RANBP10: variants seen among roughly 807,000 people sequenced by gnomAD.
RANBP10 encodes the protein ran-binding protein 10.
Under a neutral mutation model 72.8 loss-of-function variants are expected in RANBP10, and 24 were observed. The observed-to-expected ratio is 0.33, with a 90% CI of 0.24 to 0.46. RANBP10 has a LOEUF of 0.46. RANBP10 is among the 20% of genes least tolerant of loss of function. RANBP10 has a pLI of 1.00. For synonymous variants in RANBP10, 310 were observed against 322.3 expected (o/e 0.96, Z 0.41); for missense variants, 679 against 817.5 (o/e 0.83, Z 2.07).
rs151063039 is a variant in RANBP10 at position 67,729,356 on chromosome 16, C to T, written c.1276G>A (p.Val426Ile). Residue 426 changes from valine to isoleucine, a missense_variant, in exon 10 of 14, where the codon GTC becomes ATC. Physicochemically the swap from Val to Ile is conservative, Grantham distance 29. Coordinates refer to ENST00000317506, the MANE Select transcript of RANBP10 (RefSeq NM_020850.3). This position sits in a 1 kb window ranked among gnomAD's most constrained non-coding sequence, Gnocchi z 7.1. ...SSSSSSSPSSVNYSESNSTDS... is the reference protein window; with the variant it reads ...SSSSSSSPSSINYSESNSTDS... ...GTTGAGTTGGACTCGGAGTAATTGA[C>T]GGAGGATGGGGAAGAGGACGAGGAG... 2.3e-4 allele frequency: 370 copies of T among 1,611,926 alleles called. 3 individuals carry two copies. In the African/African-American group the frequency reaches 3.8e-3, roughly 17 times the overall value.
chr16:67,782,022 C>T (rs541579147), intron 2 of RANBP10, among the ~76,000 whole-genome samples: 1 of 152,374 alleles, frequency 6.6e-6, no homozygotes, highest in South Asian at 2.1e-4. Context: ...TGAAACCCTG[C>T]AGTCATGTGG....
At chr16:67,785,259 G>A (rs990893768) in intron 2 of RANBP10, among the ~76,000 whole-genome samples, 9 of 150,724 alleles carry the variant, frequency 6.0e-5, no homozygotes, top group African/African-American at 2.2e-4. Flanking sequence ...AAGGGAGGGA[G>A]GGAAGGAAGG....
Position 67,727,814 on chromosome 16 carries a change from C to A in RANBP10, c.1557G>T (p.Gln519His). ...ERIILFGREL[Q>H]ALSEQLGREY... ...CCCGGCCCAACTGCTCACTCAATGC[C>A]TGCAACTCGCGGCCAAACAGAATGA... Residue 519 changes from glutamine to histidine, a missense_variant, in exon 12 of 14, where the codon CAG (glutamine) becomes CAT (histidine). Gln to His is a conservative substitution (Grantham distance 24, BLOSUM62 0). Coordinates refer to ENST00000317506, the MANE Select transcript of RANBP10 (RefSeq NM_020850.3). 6.2e-7 allele frequency: 1 copy of A among 1,614,222 alleles called. No homozygotes were observed. The highest frequency in any genetic ancestry group is 1.1e-5 in the South Asian group (1 of 91,090).
intron 3 of RANBP10, among the ~76,000 whole-genome samples, chr16:67,759,318 C>T (rs761228350): frequency 2.0e-5 from 3 of 152,164 alleles, no homozygotes; most frequent in Non-Finnish European, 4.4e-5. Context: ...ACCTATCTTC[C>T]CACAGCCCTG....
chr16:67,788,923 C>T lies in RANBP10; in HGVS notation c.347+16505G>A, dbSNP rs764392273. Among the ~76,000 whole-genome samples, 17 of 148,588 alleles carry T rather than the reference C, an allele frequency of 1.1e-4. 1 individual carries two copies. The highest frequency in any genetic ancestry group is 1.6e-4 in the Non-Finnish European group (11 of 67,282). On this transcript the variant is annotated intron_variant, in intron 2 of 13. Coordinates refer to ENST00000317506, the MANE Select transcript of RANBP10 (RefSeq NM_020850.3). Reference sequence around the variant, plus strand: ...GCTGAGGCAGGGGAATAGCTTGAACCGAGGTGGAGGCTGCAGTGAGCCAAG... The same window carrying T: ...GCTGAGGCAGGGGAATAGCTTGAACTGAGGTGGAGGCTGCAGTGAGCCAAG...
rs2053599481 is a variant in RANBP10 at position 67,726,379 on chromosome 16, C to T, written c.*49G>A. 4.4e-6 allele frequency: 7 copies of T among 1,607,796 alleles called. No individual in the cohort carries two copies. Among genetic ancestry groups the T allele is most frequent in the Non-Finnish European group, 5.1e-6 (6 of 1,177,922 alleles). On this transcript the variant is annotated 3_prime_UTR_variant, in exon 14 of 14. Transcript: ENST00000317506. Reference sequence around the variant, plus strand: ...TTGCCTATGGAGGGCAGGGCAGCTCCAGCCCTGGGGCCAGTGGAGGGCCAG... The same window carrying T: ...TTGCCTATGGAGGGCAGGGCAGCTCTAGCCCTGGGGCCAGTGGAGGGCCAG...
intron 2 of RANBP10, among the ~76,000 whole-genome samples, chr16:67,778,471 C>A (rs1183915051): frequency 6.6e-6 from 1 of 152,172 alleles, no homozygotes; most frequent in Non-Finnish European, 1.5e-5. Flanking sequence ...ACATAGCAAG[C>A]TTCATGACAT....
At chr16:67,782,005 A>T (rs770201073) in intron 2 of RANBP10, among the ~76,000 whole-genome samples, 28 of 152,226 alleles carry the variant, frequency 1.8e-4, no homozygotes, top group Admixed American at 5.2e-4. Flanking sequence ...CCCGAGCTCA[A>T]GTCTGCTGAA....
At chr16:67,726,646 G>T in intron 13 of RANBP10, 88 bp from the exon 14 acceptor site, 1 of 1,417,610 alleles carries the variant, frequency 7.1e-7, no homozygotes, top group Non-Finnish European at 9.4e-7. Context: ...GGAGGGGGCA[G>T]TGGACAGATT....
chr16:67,754,141 A>G (rs1287221423), intron 3 of RANBP10, among the ~76,000 whole-genome samples: 2 of 151,938 alleles, frequency 1.3e-5, no homozygotes, highest in East Asian at 3.8e-4. Context: ...TCAAAAAAAA[A>G]AAAAAAAAAG....
intron 2 of RANBP10, among the ~76,000 whole-genome samples, chr16:67,785,855 T>C (rs1435915621): frequency 6.7e-6 from 1 of 150,212 alleles, no homozygotes; most frequent in Non-Finnish European, 1.5e-5. Context: ...TGAAACCCCG[T>C]CTCTACTAAA....
intron 3 of RANBP10, among the ~76,000 whole-genome samples, chr16:67,761,870 C>G (rs2054401558): frequency 6.6e-6 from 1 of 152,100 alleles, no homozygotes; most frequent in African/African-American, 2.4e-5. Flanking sequence ...CGTGCCCGGA[C>G]ATACATAAAC....
rs747886218 is a variant in RANBP10 at position 67,772,011 on chromosome 16, T to C, written c.400+23A>G. On this transcript the variant is annotated intron_variant, in intron 3 of 13. Transcript: ENST00000317506. The stretch of plus-strand genomic sequence containing the variant: ...AATTGGATCAGGAGAGCAGAACAAA[T>C]GTTCTCTTAAACAGTGACTCACCAG... The C allele has an allele frequency of 3.7e-6, 6 of 1,608,880 alleles. No homozygotes were observed. In the East Asian group the frequency reaches 6.7e-5, roughly 18 times the overall value.
intron 2 of RANBP10, among the ~76,000 whole-genome samples, chr16:67,793,555 G>A (rs142741561): frequency 6.6e-6 from 1 of 151,762 alleles, no homozygotes; most frequent in African/African-American, 2.4e-5. Flanking sequence ...CAGGTGATCC[G>A]CCCACCTCAG....
chr16:67,784,208 A>G, intron 2 of RANBP10, among the ~76,000 whole-genome samples: 1 of 152,204 alleles, frequency 6.6e-6, no homozygotes. Context: ...CAGAAAGGCA[A>G]GGATGGTTCA....
At chr16:67,743,342 T>C (rs1338752711) in intron 4 of RANBP10, among the ~76,000 whole-genome samples, 7 of 152,166 alleles carry the variant, frequency 4.6e-5, no homozygotes, top group Non-Finnish European at 1.0e-4. Context: ...ACCATTCCAT[T>C]CTGGAGAACT....
At chr16:67,779,605 C>G (rs536175000) in intron 2 of RANBP10, among the ~76,000 whole-genome samples, 44 of 152,198 alleles carry the variant, frequency 2.9e-4, no homozygotes, top group African/African-American at 1.1e-3. Flanking sequence ...TCTCTGCAGG[C>G]ACCTGAATAT....
intron 2 of RANBP10, among the ~76,000 whole-genome samples, chr16:67,782,287 G>C (rs531686132): frequency 3.3e-5 from 5 of 151,452 alleles, no homozygotes; most frequent in African/African-American, 1.2e-4. Flanking sequence ...CCATAGGTGA[G>C]TGCCACCACA....
chr16:67,737,641 C>T (rs1597835756), intron 5 of RANBP10, among the ~76,000 whole-genome samples: 1 of 152,202 alleles, frequency 6.6e-6, no homozygotes, highest in East Asian at 1.9e-4. Flanking sequence ...TGTACAAGGA[C>T]TAGGTTCCCT....
Sources: gnomAD v4.1 joint callset for allele counts (sites outside exome capture counted in the v4.1 genomes callset) on GRCh38, gnomAD v4.1.1 for gene constraint, Gnocchi (gnomAD v3.1) non-coding constraint, MANE v1.5 for transcripts, NCBI Gene and HGNC (gene_info 2026-07-23, HGNC 2026-07-21) for gene names.